CFAP61: variants seen among roughly 807,000 people sequenced by gnomAD.
CFAP61 encodes the protein cilia- and flagella-associated protein 61.
Under a neutral mutation model 135.6 loss-of-function variants are expected in CFAP61, and 107 were observed. That is an observed-to-expected ratio of 0.79 (90% CI 0.67 to 0.93). CFAP61 has a LOEUF of 0.93. Among genes scored for constraint, CFAP61 ranks in the 40% least tolerant of loss-of-function variants. The pLI, the probability that CFAP61 is intolerant of heterozygous loss-of-function variation, is 0.00. For missense variants in CFAP61, 1,507 were observed against 1,556.2 expected, an observed-to-expected ratio of 0.97 and a Z score of 0.53; for synonymous variants, 575 against 578.5, an observed-to-expected ratio of 0.99 and a Z score of 0.09.
At chr20:20,075,799 C>T (rs1012186801) in intron 6 of CFAP61, among the ~76,000 whole-genome samples, 184 bp downstream of exon 6, 1 of 152,200 alleles carries the variant, frequency 6.6e-6, no homozygotes, top group Non-Finnish European at 1.5e-5. Context: ...GCAGGACTAT[C>T]TGATGATACT....
At chr20:20,152,592 A>G (rs1289284118) in intron 9 of CFAP61, among the ~76,000 whole-genome samples, 18 of 152,224 alleles carry the variant, frequency 1.2e-4, no homozygotes, top group Admixed American at 1.2e-3. Context: ...CAGAGAAAAC[A>G]TACTTTAAAG....
chr20:20,217,741 C>A (rs917474023), intron 17 of CFAP61, among the ~76,000 whole-genome samples: 1 of 152,142 alleles, frequency 6.6e-6, no homozygotes, highest in Non-Finnish European at 1.5e-5. Context: ...GAAGGGAGGT[C>A]GTGGTGTGGA....
intron 26 of CFAP61, among the ~76,000 whole-genome samples, chr20:20,354,533 A>C (rs2058969774): frequency 6.6e-6 from 1 of 151,384 alleles, no homozygotes; most frequent in Non-Finnish European, 1.5e-5. Context: ...AGGTACAGAA[A>C]GGTAAATACT....
At chr20:20,346,518 CAAAAAA>C (rs533647243) in intron 26 of CFAP61, among the ~76,000 whole-genome samples, 1 of 131,970 alleles carries the variant, frequency 7.6e-6, no homozygotes, top group Non-Finnish European at 1.6e-5. Flanking sequence ...AACTCCGTCT[CAAAAAA>C]AAAAAAAAAA....
chr20:20,065,428 G>T (rs192285546), intron 2 of CFAP61, among the ~76,000 whole-genome samples: 182 of 151,702 alleles, frequency 1.2e-3, no homozygotes, highest in African/African-American at 4.2e-3. Context: ...AACTGAAAAG[G>T]TTGCAACCTA....
At chr20:20,166,337 C>A in intron 11 of CFAP61, 60 bp from the exon 12 acceptor site, 1 of 1,401,120 alleles carries the variant, frequency 7.1e-7, no homozygotes, top group South Asian at 1.2e-5. Flanking sequence ...TCTCTGTAAA[C>A]GTCCACTGAT....
chr20:20,290,119 A>G (rs908501120), intron 23 of CFAP61, among the ~76,000 whole-genome samples, 181 bp from the exon 24 acceptor site: 4 of 152,142 alleles, frequency 2.6e-5, no homozygotes, highest in African/African-American at 9.7e-5. Context: ...ATTCACATCA[A>G]TTTGGTTAAA....
intron 17 of CFAP61, among the ~76,000 whole-genome samples, chr20:20,213,016 A>G (rs767127387): frequency 3.3e-5 from 5 of 152,110 alleles, no homozygotes; most frequent in Non-Finnish European, 7.4e-5. Context: ...GAGGGTGGGA[A>G]CAGGGCAGGT....
At chr20:20,177,358 C>T (rs2146841147) in intron 13 of CFAP61, among the ~76,000 whole-genome samples, 1 of 152,140 alleles carries the variant, frequency 6.6e-6, no homozygotes, top group Middle Eastern at 3.4e-3. Context: ...AGGACATGTA[C>T]TGGCTCACAT....
At chr20:20,350,662 G>A (rs2058803815) in intron 26 of CFAP61, among the ~76,000 whole-genome samples, 1 of 152,104 alleles carries the variant, frequency 6.6e-6, no homozygotes, top group African/African-American at 2.4e-5. Flanking sequence ...ACAAAGAATT[G>A]AATGAGGTAT....
At chr20:20,165,515 T>C (rs2064446) in intron 11 of CFAP61, among the ~76,000 whole-genome samples, 136,418 of 151,520 alleles carry the variant, frequency 0.9, 62,211 homozygotes, top group Middle Eastern at 0.99. Context: ...CCACCCACCC[T>C]GCCCCTCCAG....
intron 9 of CFAP61, among the ~76,000 whole-genome samples, chr20:20,146,116 T>C (rs556761295): frequency 2.4e-4 from 37 of 152,262 alleles, no homozygotes; most frequent in African/African-American, 8.7e-4. Context: ...CTGAGGGAAG[T>C]GCTCTCTGGA....
intron 8 of CFAP61, among the ~76,000 whole-genome samples, chr20:20,121,161 C>T (rs550418438): frequency 1.9e-4 from 26 of 139,438 alleles, no homozygotes; most frequent in African/African-American, 5.9e-4. Flanking sequence ...GGCTGGAGTG[C>T]GGTGGCACCA....
At chr20:20,358,355 A>G (rs576825468) in intron 26 of CFAP61, among the ~76,000 whole-genome samples, 1 of 152,314 alleles carries the variant, frequency 6.6e-6, no homozygotes, top group African/African-American at 2.4e-5. Flanking sequence ...AAATCTGTTT[A>G]TAATCTAGAG....
intron 17 of CFAP61, 88 bp downstream of exon 17, chr20:20,199,990 A>G: frequency 6.8e-7 from 1 of 1,467,062 alleles, no homozygotes; most frequent in East Asian, 2.3e-5. Context: ...TCACAGGAGC[A>G]GGCTGCTTCT....
At position 20,198,329 on chromosome 20, in the gene CFAP61, C is replaced by G. The variant is rs77532493; in HGVS notation, c.1798-1439C>G. ...ATTCTTGTTTTTATTCATGAAGTTG[C>G]CTGGATGTTCTGGGTTAGAGAAAGT... On this transcript the variant is annotated intron_variant, in intron 16 of 26. Transcript: ENST00000245957. Among the ~76,000 whole-genome samples the G allele has an allele frequency of 5.4e-3, 822 of 152,200 alleles. 10 individuals are homozygous for G. Among genetic ancestry groups the G allele is most frequent in the African/African-American group, 0.018 (734 of 41,524 alleles).
intron 22 of CFAP61, among the ~76,000 whole-genome samples, chr20:20,284,222 A>AT (rs2054405397): frequency 6.6e-6 from 1 of 151,560 alleles, no homozygotes; most frequent in Admixed American, 6.6e-5. Context: ...TTATTAGAGT[A>AT]TTTTTTAGTA....
intron 26 of CFAP61, among the ~76,000 whole-genome samples, chr20:20,353,334 G>A (rs1045882355): frequency 2.6e-5 from 4 of 152,148 alleles, no homozygotes; most frequent in Admixed American, 1.3e-4. Context: ...CCCAGTGTGC[G>A]TGAGTGTGGG....
At chr20:20,173,519 T>C (rs2054383075) in intron 13 of CFAP61, among the ~76,000 whole-genome samples, 1 of 152,244 alleles carries the variant, frequency 6.6e-6, no homozygotes, top group Non-Finnish European at 1.5e-5. Flanking sequence ...ACATGTGGTG[T>C]TGAGCATGTC....
Sources: allele counts gnomAD v4.1 joint callset (sites outside exome capture counted in the v4.1 genomes callset), GRCh38; gene constraint gnomAD v4.1.1; transcripts MANE v1.5; gene names NCBI Gene and HGNC (gene_info 2026-07-23, HGNC 2026-07-21).